LPP: variants seen among roughly 807,000 people sequenced by gnomAD.
LPP encodes lipoma-preferred partner.
A neutral mutation model predicts 60.4 loss-of-function variants in LPP; 38 were observed. That is an observed-to-expected ratio of 0.63 (90% confidence interval 0.49 to 0.83). The LOEUF (loss-of-function observed/expected upper bound fraction) is 0.83. Ranked by LOEUF, LPP falls within the 40% of genes least tolerant of loss-of-function variation. The pLI, the probability that LPP is intolerant of heterozygous loss-of-function variation, is 0.00. For missense variants in LPP, 902 were observed against 783.6 expected, an observed-to-expected ratio of 1.15 and a Z score of -1.80; for synonymous variants, 328 against 290.8, an observed-to-expected ratio of 1.13 and a Z score of -1.30.
chr3:188,807,629 A>G (rs1749570162), intron 9 of LPP, among the ~76,000 whole-genome samples: 1 of 152,106 alleles, frequency 6.6e-6, no homozygotes, highest in Non-Finnish European at 1.5e-5. Flanking sequence ...GAGTCTGCTT[A>G]TGAGCCTATT....
chr3:188,669,365 A>T (rs1022446941), intron 7 of LPP, among the ~76,000 whole-genome samples: 2 of 152,146 alleles, frequency 1.3e-5, no homozygotes, highest in African/African-American at 4.8e-5. Context: ...TCACGAAGTC[A>T]GGAGATCGAG....
intron 9 of LPP, among the ~76,000 whole-genome samples, chr3:188,862,796 A>G (rs1765598585): frequency 1.3e-5 from 2 of 151,904 alleles, no homozygotes; most frequent in Non-Finnish European, 1.5e-5. Flanking sequence ...AGAAAGAAAG[A>G]AAAAGAAAAA....
At chr3:188,362,537 C>T (rs1376621938) in intron 3 of LPP, among the ~76,000 whole-genome samples, 1 of 152,172 alleles carries the variant, frequency 6.6e-6, no homozygotes, top group African/African-American at 2.4e-5. Context: ...CCATCCTTTA[C>T]TCCTTAGCTT....
At chr3:188,586,797 G>C (rs1837567227) in intron 6 of LPP, among the ~76,000 whole-genome samples, 1 of 149,184 alleles carries the variant, frequency 6.7e-6, no homozygotes, top group East Asian at 2.0e-4. Context: ...GCCCGATCTT[G>C]GCTCACTGCA....
chr3:188,454,647 T>TG (rs1212660060), intron 4 of LPP, among the ~76,000 whole-genome samples: 3 of 152,050 alleles, frequency 2.0e-5, no homozygotes, highest in Non-Finnish European at 4.4e-5. Flanking sequence ...TCCACATGGC[T>TG]GGGGGAGGCT....
intron 7 of LPP, among the ~76,000 whole-genome samples, chr3:188,613,672 G>A (rs1445317801): frequency 6.6e-6 from 1 of 152,024 alleles, no homozygotes; most frequent in Admixed American, 6.6e-5. Context: ...CCATCTTTCA[G>A]TAAATCTAAA....
intron 7 of LPP, among the ~76,000 whole-genome samples, chr3:188,628,133 A>G (rs1847194269): frequency 6.6e-6 from 1 of 152,090 alleles, no homozygotes; most frequent in African/African-American, 2.4e-5. Flanking sequence ...GTAGAGACAA[A>G]CACCTACATC....
At chr3:188,303,662 G>A (rs1337005154) in intron 2 of LPP, among the ~76,000 whole-genome samples, 1 of 152,118 alleles carries the variant, frequency 6.6e-6, no homozygotes, top group Non-Finnish European at 1.5e-5. Flanking sequence ...ATGCAAATAG[G>A]ATAAGAAGCA....
chr3:188,259,289 A>G (rs1732757209), intron 2 of LPP, among the ~76,000 whole-genome samples: 4 of 152,134 alleles, frequency 2.6e-5, no homozygotes, highest in Admixed American at 2.6e-4. Flanking sequence ...AAATACACCC[A>G]AATTCCCCAG....
chr3:188,707,010 G>A (rs753272857), intron 7 of LPP, among the ~76,000 whole-genome samples: 1 of 151,964 alleles, frequency 6.6e-6, no homozygotes, highest in African/African-American at 2.4e-5. Context: ...TAATCACATA[G>A]CACAAAGCTA....
At chr3:188,425,407 C>CT (rs1250377745) in intron 4 of LPP, among the ~76,000 whole-genome samples, 2 of 151,762 alleles carry the variant, frequency 1.3e-5, no homozygotes, top group East Asian at 1.9e-4. Context: ...CTGAAATTTT[C>CT]TTTTTTTTGT....
chr3:188,668,851 C>T (rs1856357923), intron 7 of LPP, among the ~76,000 whole-genome samples: 1 of 152,154 alleles, frequency 6.6e-6, no homozygotes, highest in African/African-American at 2.4e-5. Context: ...AGCTTTTTGG[C>T]TAAGATCAAG....
chr3:188,647,467 G>A (rs950083472), intron 7 of LPP, among the ~76,000 whole-genome samples: 1 of 152,164 alleles, frequency 6.6e-6, no homozygotes. Context: ...CCTCTCTTGG[G>A]TTTTGTTTGA....
At chr3:188,633,388 C>G (rs1458078790) in intron 7 of LPP, among the ~76,000 whole-genome samples, 1 of 152,200 alleles carries the variant, frequency 6.6e-6, no homozygotes, top group Non-Finnish European at 1.5e-5. Flanking sequence ...GCATTAATAA[C>G]CAGTTACTTA....
intron 6 of LPP, among the ~76,000 whole-genome samples, chr3:188,586,249 C>A (rs1837410979): frequency 6.6e-6 from 1 of 152,052 alleles, no homozygotes; most frequent in African/African-American, 2.4e-5. Context: ...GGAAAATGTT[C>A]TATATGTAAT....
At position 188,610,796 on chromosome 3, in the gene LPP, T is replaced by C. The variant is rs1387578559; in HGVS notation, c.1113+952T>C. Among the ~76,000 whole-genome samples, 2 of 152,142 alleles carry C rather than the reference T, an allele frequency of 1.3e-5. No individual in the cohort carries two copies. Among genetic ancestry groups the C allele is most frequent in the African/African-American group, 2.4e-5 (1 of 41,430 alleles). On this transcript the variant is annotated intron_variant, in intron 7 of 11. Transcript: ENST00000617246. This position sits in a 1 kb window ranked among gnomAD's most constrained non-coding sequence, Gnocchi z 4.4. ...AGGAACCAATAAGAATAACTTGGAA[T>C]CGGTGAAAATAGAGGAACTGAGCCA...
At chr3:188,662,013 G>A (rs564457279) in intron 7 of LPP, among the ~76,000 whole-genome samples, 1 of 152,322 alleles carries the variant, frequency 6.6e-6, no homozygotes, top group African/African-American at 2.4e-5. Context: ...TTCAACATCT[G>A]CTGTTAGTGT....
chr3:188,517,312 CAA>C (rs1319354040), intron 5 of LPP, among the ~76,000 whole-genome samples: 1 of 152,046 alleles, frequency 6.6e-6, no homozygotes, highest in African/African-American at 2.4e-5. Flanking sequence ...TGATTATAGA[CAA>C]ATAAATATTG....
chr3:188,506,185 G>T (rs192764434), intron 5 of LPP, among the ~76,000 whole-genome samples: 1 of 152,162 alleles, frequency 6.6e-6, no homozygotes, highest in Admixed American at 6.5e-5. Context: ...CATGTGATGT[G>T]GTGGCATGAG....
Sources: allele counts gnomAD v4.1 joint callset (sites outside exome capture counted in the v4.1 genomes callset), GRCh38; gene constraint gnomAD v4.1.1; non-coding constraint Gnocchi (gnomAD v3.1); transcripts MANE v1.5; gene names NCBI Gene and HGNC (gene_info 2026-07-23, HGNC 2026-07-21).